The following SNTG1 variants were observed in gnomAD, a reference collection of about 807,000 sequenced individuals.
SNTG1 encodes gamma-1-syntrophin.
In SNTG1, 39 loss-of-function variants were observed where a neutral mutation model predicts 74.7. The observed-to-expected ratio is 0.52, with a 90% CI of 0.40 to 0.68. The LOEUF (loss-of-function observed/expected upper bound fraction) is 0.68, where lower values mean the gene tolerates loss of function less well. Among genes scored for constraint, SNTG1 ranks in the 30% least tolerant of loss-of-function variants. The pLI is 0.00. For synonymous variants in SNTG1, 254 were observed against 217.1 expected (o/e 1.17, Z -1.49); for missense variants, 685 against 609.5 (o/e 1.12, Z -1.30).
At chr8:50,183,554 T>G (rs533201227) in intron 2 of SNTG1, among the ~76,000 whole-genome samples, 2 of 152,310 alleles carry the variant, frequency 1.3e-5, no homozygotes, top group South Asian at 4.1e-4. Flanking sequence ...CTTATACAAC[T>G]TATATTCCAT....
intron 2 of SNTG1, among the ~76,000 whole-genome samples, chr8:50,245,285 A>T (rs2086345810): frequency 6.6e-6 from 1 of 152,188 alleles, no homozygotes; most frequent in Non-Finnish European, 1.5e-5. Context: ...TTGATTTGAG[A>T]CAGATCACCA....
chr8:50,722,069 C>T lies in SNTG1; in HGVS notation c.1284+13091C>T, dbSNP rs183923939. On this transcript the variant is annotated intron_variant, in intron 17 of 18. Coordinates refer to ENST00000642720, the MANE Select transcript of SNTG1 (RefSeq NM_018967.5). ...GCTTGATAAAATTTCAACATTTCAT[C>T]TTCAATTGCACATGGATTAATCATT... Among the ~76,000 whole-genome samples, 136 of 146,116 alleles carry T rather than the reference C, an allele frequency of 9.3e-4. 2 individuals are homozygous for T. Among genetic ancestry groups the T allele is most frequent in the Middle Eastern group, 6.9e-3 (2 of 290 alleles).
intron 17 of SNTG1, among the ~76,000 whole-genome samples, chr8:50,715,702 C>T (rs920292638): frequency 2.0e-5 from 3 of 152,124 alleles, no homozygotes; most frequent in Admixed American, 2.0e-4. Flanking sequence ...TTAAAACCCA[C>T]TCACATGTAT....
intron 1 of SNTG1, among the ~76,000 whole-genome samples, chr8:50,168,932 G>A (rs1052907700): frequency 1.3e-5 from 2 of 152,000 alleles, no homozygotes; most frequent in South Asian, 2.1e-4. Context: ...AGAGTTATTC[G>A]GTTACACGTG....
At chr8:50,650,550 A>G (rs1267371093) in intron 13 of SNTG1, among the ~76,000 whole-genome samples, 1 of 152,174 alleles carries the variant, frequency 6.6e-6, no homozygotes, top group Non-Finnish European at 1.5e-5. Flanking sequence ...TAGAAATTAA[A>G]AAGATTCACT....
intron 1 of SNTG1, among the ~76,000 whole-genome samples, chr8:50,143,352 T>C (rs918917129): frequency 3.3e-5 from 5 of 152,166 alleles, no homozygotes; most frequent in African/African-American, 9.6e-5. Context: ...AAACGTTGTG[T>C]TTGTTCCTTA....
At chr8:49,931,313 G>C (rs1316636159) in intron 1 of SNTG1, among the ~76,000 whole-genome samples, 1 of 152,170 alleles carries the variant, frequency 6.6e-6, no homozygotes, top group Admixed American at 6.5e-5. Context: ...ACTGTACCCT[G>C]AAGAAACCCT....
chr8:50,398,314 C>G (rs142923082), intron 3 of SNTG1, among the ~76,000 whole-genome samples: 56 of 152,334 alleles, frequency 3.7e-4, no homozygotes, highest in African/African-American at 1.3e-3. Flanking sequence ...GGCGTTAGCA[C>G]GCCTGGTCCT....
intron 1 of SNTG1, among the ~76,000 whole-genome samples, chr8:49,938,501 G>A (rs929815398): frequency 2.0e-5 from 3 of 151,684 alleles, no homozygotes; most frequent in East Asian, 3.9e-4. Context: ...GCCAAAAGGT[G>A]CATTTGTGGA....
chr8:50,492,964 G>A (rs1370426633), intron 8 of SNTG1, among the ~76,000 whole-genome samples: 4 of 152,024 alleles, frequency 2.6e-5, no homozygotes, highest in Non-Finnish European at 5.9e-5. Flanking sequence ...TACCAAAACA[G>A]ATATATAGAC....
At chr8:50,620,260 G>C (rs1468339291) in intron 13 of SNTG1, among the ~76,000 whole-genome samples, 2 of 152,110 alleles carry the variant, frequency 1.3e-5, no homozygotes, top group Non-Finnish European at 2.9e-5. Context: ...CTAGTGACGT[G>C]GGGTGAGTCC....
At chr8:50,776,509 TTA>T (rs1293218344) in intron 18 of SNTG1, among the ~76,000 whole-genome samples, 5 of 147,776 alleles carry the variant, frequency 3.4e-5, no homozygotes, top group Admixed American at 6.8e-5. Context: ...TATAGATATA[TTA>T]TGTCTTATAT....
intron 13 of SNTG1, among the ~76,000 whole-genome samples, chr8:50,593,834 C>T (rs1347285108): frequency 6.6e-6 from 1 of 151,900 alleles, no homozygotes; most frequent in Non-Finnish European, 1.5e-5. Flanking sequence ...TCTCCTGCCT[C>T]AGCCTCCCAA....
intron 13 of SNTG1, among the ~76,000 whole-genome samples, chr8:50,619,074 G>T (rs1036584694): frequency 1.6e-4 from 24 of 151,768 alleles, no homozygotes; most frequent in African/African-American, 5.8e-4. Context: ...ACAATGTTTT[G>T]TTCTCTATAA....
intron 1 of SNTG1, among the ~76,000 whole-genome samples, chr8:49,958,387 C>T (rs898229314): frequency 6.6e-6 from 1 of 151,652 alleles, no homozygotes; most frequent in African/African-American, 2.4e-5. Flanking sequence ...CCTACAATTC[C>T]AGGAGTGAGT....
At chr8:50,494,952 T>C (rs977001640) in intron 8 of SNTG1, among the ~76,000 whole-genome samples, 1 of 152,128 alleles carries the variant, frequency 6.6e-6, no homozygotes, top group Non-Finnish European at 1.5e-5. Flanking sequence ...TATGATTAGT[T>C]TCACTAAGAT....
chr8:50,420,929 G>A (rs1245290391), intron 4 of SNTG1, among the ~76,000 whole-genome samples: 1 of 151,400 alleles, frequency 6.6e-6, no homozygotes, highest in African/African-American at 2.4e-5. Flanking sequence ...GGAGGCTGAG[G>A]CAGGAGAATT....
At chr8:50,220,840 T>C (rs1221213015) in intron 2 of SNTG1, among the ~76,000 whole-genome samples, 2 of 152,194 alleles carry the variant, frequency 1.3e-5, no homozygotes, top group Non-Finnish European at 1.5e-5. Context: ...ACCATCATTC[T>C]CTCCCCTCTT....
chr8:50,133,890 A>T (rs576633909), intron 1 of SNTG1, among the ~76,000 whole-genome samples: 215 of 152,352 alleles, frequency 1.4e-3, no homozygotes, highest in African/African-American at 5.0e-3. Context: ...TGAAAGACAC[A>T]GTCTAATTCA....
Sources: gnomAD v4.1 joint callset for allele counts (sites outside exome capture counted in the v4.1 genomes callset) on GRCh38, gnomAD v4.1.1 for gene constraint, MANE v1.5 for transcripts, NCBI Gene and HGNC (gene_info 2026-07-23, HGNC 2026-07-21) for gene names.